RNF150: variants seen among roughly 807,000 people sequenced by gnomAD.
RNF150 encodes the protein ring finger protein 150.
A neutral mutation model predicts 39.3 loss-of-function variants in RNF150; 24 were observed. The ratio of observed to expected loss-of-function variants is 0.61; its 90% CI spans 0.44 to 0.86. The LOEUF is 0.86. Ranked by LOEUF, RNF150 falls within the 40% of genes least tolerant of loss-of-function variation. The pLI, the probability that RNF150 is intolerant of heterozygous loss-of-function variation, is 0.00. For synonymous variants in RNF150, 255 were observed against 227.3 expected (o/e 1.12, Z -1.10); for missense variants, 502 against 587.8 (o/e 0.85, Z 1.51).
At chr4:141,022,964 T>C (rs1362072100) in intron 1 of RNF150, among the ~76,000 whole-genome samples, 3 of 152,202 alleles carry the variant, frequency 2.0e-5, no homozygotes, top group East Asian at 1.9e-4. Flanking sequence ...TTTCAACTTA[T>C]ACCTCCATAA....
At chr4:141,184,797 T>C (rs1246485021) in intron 1 of RNF150, among the ~76,000 whole-genome samples, 1 of 152,068 alleles carries the variant, frequency 6.6e-6, no homozygotes, top group African/African-American at 2.4e-5. Flanking sequence ...CATGTTTGTC[T>C]AAGATCAGAT....
chr4:140,900,431 A>T (rs947539374), intron 6 of RNF150, among the ~76,000 whole-genome samples: 5 of 147,080 alleles, frequency 3.4e-5, no homozygotes, highest in African/African-American at 7.4e-5. Context: ...ATAATTTTAT[A>T]TGAGATCATG....
intron 1 of RNF150, among the ~76,000 whole-genome samples, chr4:141,019,133 G>C (rs1295887224): frequency 6.1e-5 from 9 of 148,208 alleles, no homozygotes; most frequent in Admixed American, 6.8e-5. Context: ...TGAATAAAAT[G>C]AGCTCAGAAT....
At chr4:140,871,238 C>T (rs976139255) in intron 6 of RNF150, among the ~76,000 whole-genome samples, 2 of 151,848 alleles carry the variant, frequency 1.3e-5, no homozygotes, top group Admixed American at 6.6e-5. Context: ...TGTGTTGATG[C>T]CAATCTAGTA....
intron 1 of RNF150, among the ~76,000 whole-genome samples, chr4:141,202,729 T>A (rs552396398): frequency 6.6e-6 from 1 of 151,996 alleles, no homozygotes; most frequent in African/African-American, 2.4e-5. Context: ...TGTGGTCAAA[T>A]GTTTTATCAT....
chr4:140,954,694 T>A (rs1309097995), intron 2 of RNF150, among the ~76,000 whole-genome samples: 3 of 152,184 alleles, frequency 2.0e-5, no homozygotes, highest in Non-Finnish European at 4.4e-5. Flanking sequence ...AAGTCCTACA[T>A]AAATTCTAAC....
chr4:141,178,385 A>G (rs1727852844), intron 1 of RNF150, among the ~76,000 whole-genome samples: 1 of 152,184 alleles, frequency 6.6e-6, no homozygotes, highest in Non-Finnish European at 1.5e-5. Flanking sequence ...AAGCTATATC[A>G]AGGTTAAAAT....
chr4:140,888,495 T>A (rs1400163441), intron 6 of RNF150, among the ~76,000 whole-genome samples: 1 of 152,216 alleles, frequency 6.6e-6, no homozygotes, highest in Admixed American at 6.5e-5. Flanking sequence ...TCTTTGTGTT[T>A]AGAACAAAAA....
At chr4:140,961,954 A>G (rs949715472) in intron 2 of RNF150, among the ~76,000 whole-genome samples, 1 of 152,082 alleles carries the variant, frequency 6.6e-6, no homozygotes, top group African/African-American at 2.4e-5. Context: ...TTCAAGCTTA[A>G]GATTTCATCC....
intron 5 of RNF150, among the ~76,000 whole-genome samples, chr4:140,917,716 C>A (rs1730898730): frequency 6.6e-6 from 1 of 151,980 alleles, no homozygotes; most frequent in Non-Finnish European, 1.5e-5. Flanking sequence ...GAACTCTCCA[C>A]CCCAAATCAA....
intron 1 of RNF150, among the ~76,000 whole-genome samples, chr4:141,108,719 T>C (rs1179370686): frequency 1.3e-5 from 2 of 152,180 alleles, no homozygotes; most frequent in Non-Finnish European, 2.9e-5. Context: ...TATTTTAAAG[T>C]TAAAAAAACT....
intron 1 of RNF150, among the ~76,000 whole-genome samples, chr4:141,072,121 T>C (rs1333918199): frequency 2.6e-5 from 4 of 152,172 alleles, no homozygotes; most frequent in Non-Finnish European, 5.9e-5. Context: ...ACAAACACAC[T>C]GTGAGCAGCA....
At chr4:140,879,289 T>C (rs1252693871) in intron 6 of RNF150, among the ~76,000 whole-genome samples, 4 of 152,246 alleles carry the variant, frequency 2.6e-5, no homozygotes, top group Admixed American at 6.5e-5. Context: ...GGGATTTTGA[T>C]AAAGATTCCA....
chr4:141,016,552 C>T lies in RNF150; in HGVS notation c.485-48679G>A, dbSNP rs111292493. ...GCAGTCACAGAGATGTACCTATTGT[C>T]ACCACCTCAATAAAGCTGTTTTCCT... On this transcript the variant is annotated intron_variant, in intron 1 of 6. Transcript: ENST00000515673. Among the ~76,000 whole-genome samples the T allele has an allele frequency of 4.6e-3, 703 of 152,348 alleles. 5 individuals are homozygous for T. Among genetic ancestry groups the T allele is most frequent in the African/African-American group, 0.016 (677 of 41,582 alleles).
rs1336329403 is a variant in RNF150, at chr4:141,017,419, CT to C, written c.485-49547del. Among the ~76,000 whole-genome samples, 6 of 152,248 alleles carry C rather than the reference CT, an allele frequency of 3.9e-5. 1 individual carries two copies. The South Asian group carries it at 1.2e-3, about 32-fold the overall frequency. ...TAGTCCCCCTTACACACTCTTCCTA[CT>C]TTCACACACACAGCCTCCTCCATCA... On this transcript the variant is annotated intron_variant, in intron 1 of 6. Coordinates refer to ENST00000515673, the MANE Select transcript of RNF150 (RefSeq NM_020724.2).
At chr4:140,910,704 A>T (rs1863303) in intron 6 of RNF150, among the ~76,000 whole-genome samples, 1 of 35,282 alleles carries the variant, frequency 2.8e-5, no homozygotes, top group African/African-American at 7.1e-5. Context: ...TCGGGGCTCC[A>T]GTGTGTGTGT....
intron 4 of RNF150, among the ~76,000 whole-genome samples, chr4:140,943,091 C>T (rs545085437): frequency 6.6e-6 from 1 of 152,210 alleles, no homozygotes; most frequent in East Asian, 1.9e-4. Context: ...TCTCATTGGG[C>T]CAGAAAAAGA....
intron 1 of RNF150, among the ~76,000 whole-genome samples, chr4:141,071,870 T>C (rs1312043141): frequency 5.9e-5 from 9 of 152,296 alleles, no homozygotes; most frequent in African/African-American, 1.7e-4. Flanking sequence ...AAGGCTGGCA[T>C]TGTCAAGTCC....
chr4:141,103,295 C>T (rs545695936), intron 1 of RNF150, among the ~76,000 whole-genome samples: 1 of 152,302 alleles, frequency 6.6e-6, no homozygotes, highest in East Asian at 1.9e-4. Context: ...AAAAGACTAG[C>T]CTCCGAGTTG....
Sources: gnomAD v4.1 joint callset for allele counts (sites outside exome capture counted in the v4.1 genomes callset) on GRCh38, gnomAD v4.1.1 for gene constraint, MANE v1.5 for transcripts, NCBI Gene and HGNC (gene_info 2026-07-23, HGNC 2026-07-21) for gene names.